Variants in KIF9 observed in about 807,000 individuals in gnomAD.
The protein encoded by KIF9 is kinesin family member 9, also known as kinesin-like protein KIF9.
A neutral mutation model predicts 94.8 loss-of-function variants in KIF9; 68 were observed. The ratio of observed to expected loss-of-function variants is 0.72; its 90% confidence interval spans 0.59 to 0.88. The LOEUF (loss-of-function observed/expected upper bound fraction) is 0.88. Among genes scored for constraint, KIF9 ranks in the 40% least tolerant of loss-of-function variants. The probability of loss-of-function intolerance (pLI) is 0.00; values close to 1 mark genes in which losing one functional copy is unlikely to be tolerated. For missense variants in KIF9, 882 were observed against 982.5 expected, an observed-to-expected ratio of 0.90 and a Z score of 1.37; for synonymous variants, 343 against 362.1, an observed-to-expected ratio of 0.95 and a Z score of 0.60.
At chr3:47,231,034 GTC>G (rs1698535020) in intron 20 of KIF9, among the ~76,000 whole-genome samples, 1 of 147,802 alleles carries the variant, frequency 6.8e-6, no homozygotes. Flanking sequence ...GCAAAACTCC[GTC>G]TAAAAAAAAA....
rs1334670021 is a variant in KIF9 at position 47,282,649 on chromosome 3, G to C, written c.-160C>G. 1 of 1,179,194 alleles carries C rather than the reference G, an allele frequency of 8.5e-7. No homozygotes were observed. The highest frequency in any genetic ancestry group is 3.5e-4 in the Middle Eastern group (1 of 2,844). The allele number at this position is 1,179,194 out of a possible 1,614,324, so 73.0% of individuals were successfully genotyped here. Reference sequence around the variant, plus strand: ...TGTCGGGGTGGCGGAAATGAAGTCCGAGGTCCTACGTCGAGGATACGGGTG... The same window carrying C: ...TGTCGGGGTGGCGGAAATGAAGTCCCAGGTCCTACGTCGAGGATACGGGTG... On this transcript the variant is annotated 5_prime_UTR_variant, in exon 1 of 21. Coordinates refer to ENST00000684063, the MANE Select transcript of KIF9 (RefSeq NM_182902.4).
In KIF9 at chr3:47,234,326, C is replaced by T. The variant is rs544245355; in HGVS notation, c.2322+1187G>A. ...TCAGCTCACTGGGACCTCCGCCTCC[C>T]AGATTCCAGCAATTGTCCTGCCTCA... is the stretch of plus-strand genomic sequence containing the variant. On this transcript the variant is annotated intron_variant, in intron 20 of 20. Coordinates refer to ENST00000684063, the MANE Select transcript of KIF9 (RefSeq NM_182902.4). 6.0e-4 allele frequency among the ~76,000 whole-genome samples: 91 copies of T among 152,108 alleles called. 1 individual carries two copies. The South Asian group carries it at 0.016, about 26-fold the overall frequency.
chr3:47,239,930 T>G, intron 17 of KIF9: 1 of 1,367,620 alleles, frequency 7.3e-7, no homozygotes, highest in African/African-American at 1.5e-5. Context: ...AAGAAGACAG[T>G]AAGACTGAGC....
Position 47,273,613 on chromosome 3 carries a change from G to C in KIF9, c.305C>G (p.Thr102Ser). Residue 102 changes from threonine (T) to serine (S), a missense_variant, in exon 4 of 21, where the codon ACC becomes AGC. Coordinates refer to ENST00000684063, the MANE Select transcript of KIF9 (RefSeq NM_182902.4). ...GTAATTCTCAGTTGCCCCCATCATG[G>C]TGTATGTCTTGCCAGCTCCCGTCTG... ...YGQTGAGKTY[T>S]MMGATENYKH... is the part of the protein sequence containing the mutation. The C allele has an allele frequency of 6.2e-7, 1 of 1,614,094 alleles. No individual in the cohort carries two copies. Among genetic ancestry groups the C allele is most frequent in the Non-Finnish European group, 8.5e-7 (1 of 1,179,986 alleles).
At chr3:47,237,927 T>C (rs1699157037) in intron 17 of KIF9, among the ~76,000 whole-genome samples, 1 of 152,144 alleles carries the variant, frequency 6.6e-6, no homozygotes, top group Non-Finnish European at 1.5e-5. Flanking sequence ...GATGTGATTA[T>C]TTGGATAAGC....
intron 5 of KIF9, among the ~76,000 whole-genome samples, chr3:47,267,924 T>C (rs962989493): frequency 1.1e-4 from 16 of 149,096 alleles, no homozygotes; most frequent in African/African-American, 3.7e-4. Context: ...CATACTAGAG[T>C]GTGGTGGCAC....
chr3:47,238,953 G>A (rs763307163), intron 17 of KIF9, among the ~76,000 whole-genome samples: 68 of 152,300 alleles, frequency 4.5e-4, no homozygotes, highest in Admixed American at 1.6e-3. Flanking sequence ...GTGAGCCACC[G>A]CGCCCAGCCG....
chr3:47,274,668 T>C (rs1701850877), intron 3 of KIF9, among the ~76,000 whole-genome samples: 1 of 152,218 alleles, frequency 6.6e-6, no homozygotes, highest in Non-Finnish European at 1.5e-5. Flanking sequence ...TGCTCAAGAC[T>C]ATTCATCTCC....
chr3:47,240,674 A>G, intron 17 of KIF9, 127 bp downstream of exon 17: 1 of 753,020 alleles, frequency 1.3e-6, no homozygotes, highest in South Asian at 1.7e-5. Flanking sequence ...CTATGGGTGA[A>G]GGCCACATCC....
chr3:47,235,376 C>T, intron 20 of KIF9, 137 bp downstream of exon 20: 4 of 666,536 alleles, frequency 6.0e-6, no homozygotes, highest in Non-Finnish European at 1.1e-5. Flanking sequence ...TGGCAGAAGA[C>T]ACCCACTGAC....
chr3:47,264,116 T>A (rs1323962487), intron 9 of KIF9, 170 bp downstream of exon 9: 2 of 609,590 alleles, frequency 3.3e-6, no homozygotes, highest in Non-Finnish European at 3.1e-6. Context: ...GGTGTGTGGA[T>A]CCTAGCTCTG....
In KIF9 at chr3:47,240,667, T is replaced by C. The variant is rs1202190004; in HGVS notation, c.1924+134A>G. 25 of 717,486 alleles carry C rather than the reference T, an allele frequency of 3.5e-5. No individual in the cohort carries two copies. The East Asian group carries it at 6.5e-4, about 19-fold the overall frequency. 44.4% of individuals were successfully genotyped at this position (717,486 alleles called of 1,614,324 possible). A position where few individuals can be genotyped will look rare whatever the true frequency, so the allele number is the denominator to read the frequency against. On this transcript the variant is annotated intron_variant, in intron 17 of 20. Transcript: ENST00000684063. ...GACCAGAGCTAAGTGATCTGACCTA[T>C]GGGTGAAGGCCACATCCCAGCACCC...
intron 10 of KIF9, among the ~76,000 whole-genome samples, chr3:47,256,989 G>A (rs903885261): frequency 5.3e-5 from 8 of 152,200 alleles, no homozygotes; most frequent in South Asian, 4.1e-4. Context: ...TCAAGTACCC[G>A]GAGACACAAA....
chr3:47,261,156 A>C (rs1700946108), intron 9 of KIF9, among the ~76,000 whole-genome samples: 1 of 152,210 alleles, frequency 6.6e-6, no homozygotes, highest in East Asian at 1.9e-4. Flanking sequence ...CAGAGGTCTA[A>C]AATGTGTGTG....
chr3:47,248,284 G>T, intron 10 of KIF9, 198 bp from the exon 11 acceptor site: 1 of 587,776 alleles, frequency 1.7e-6, no homozygotes, highest in Non-Finnish European at 3.0e-6. Flanking sequence ...TGAGTTTAGG[G>T]TCTGGGAGGA....
At chr3:47,230,988 G>A (rs924615488) in intron 20 of KIF9, among the ~76,000 whole-genome samples, 3 of 152,200 alleles carry the variant, frequency 2.0e-5, no homozygotes, top group African/African-American at 7.2e-5. Context: ...GCCGTAAGCC[G>A]AGATTGCGCC....
chr3:47,235,222 C>A (rs2107061238), intron 20 of KIF9, among the ~76,000 whole-genome samples: 1 of 152,306 alleles, frequency 6.6e-6, no homozygotes, highest in East Asian at 1.9e-4. Context: ...TTGGAGAGGT[C>A]CTCCCTGACA....
chr3:47,270,137 C>T (rs955335280), intron 5 of KIF9, among the ~76,000 whole-genome samples: 2 of 152,122 alleles, frequency 1.3e-5, no homozygotes, highest in Middle Eastern at 6.3e-3. Context: ...CTCCTGACCT[C>T]AGGTGATCCA....
chr3:47,239,466 T>C, intron 17 of KIF9: 2 of 781,064 alleles, frequency 2.6e-6, no homozygotes, highest in Non-Finnish European at 3.2e-6. Flanking sequence ...TTCTCCAGCT[T>C]CCCAGACCCG....
Sources: gnomAD v4.1 joint callset for allele counts (sites outside exome capture counted in the v4.1 genomes callset) on GRCh38, gnomAD v4.1.1 for gene constraint, MANE v1.5 for transcripts, NCBI Gene and HGNC (gene_info 2026-07-23, HGNC 2026-07-21) for gene names.